Variants in FRMPD4 observed in about 807,000 individuals in gnomAD.
FRMPD4 encodes the protein FERM and PDZ domain containing 4, also known as FERM and PDZ domain-containing protein 4.
Under a neutral mutation model 94.1 loss-of-function variants are expected in FRMPD4, and 22 were observed. The observed-to-expected ratio is 0.23, with a 90% CI of 0.17 to 0.33. The LOEUF (loss-of-function observed/expected upper bound fraction) is 0.33. FRMPD4 is among the 10% of genes least tolerant of loss of function. The pLI, the probability that FRMPD4 is intolerant of heterozygous loss-of-function variation, is 1.00. For missense variants in FRMPD4, 1,111 were observed against 1,339.9 expected (o/e 0.83, Z 2.67); for synonymous variants, 631 against 548.6 (o/e 1.15, Z -2.10).
At chrX:12,181,461 A>G (rs1379734395) in intron 1 of FRMPD4, among the ~76,000 whole-genome samples, 3 of 111,969 alleles carry the variant, frequency 2.7e-5, no homozygotes, top group Non-Finnish European at 5.6e-5. Flanking sequence ...GGTTGCAAGC[A>G]TAGTCATCTA....
At chrX:12,526,983 A>C (rs756185871) in intron 2 of FRMPD4, among the ~76,000 whole-genome samples, 1 of 112,049 alleles carries the variant, frequency 8.9e-6, no homozygotes, top group East Asian at 2.8e-4. Context: ...GTTTAAAAAA[A>C]AAAGTGCTTT....
chrX:12,649,568 G>T (rs1304806606), intron 4 of FRMPD4, among the ~76,000 whole-genome samples: 7 of 111,724 alleles, frequency 6.3e-5, no homozygotes, highest in Non-Finnish European at 1.3e-4. Context: ...TAAATGAGAA[G>T]ATATGAGGAT....
intron 3 of FRMPD4, among the ~76,000 whole-genome samples, chrX:11,900,374 G>A (rs2053929248): frequency 9.0e-6 from 1 of 111,615 alleles, no homozygotes; most frequent in African/African-American, 3.3e-5. Context: ...TGCCAGGCCA[G>A]GACAGGATAG....
At chrX:12,584,721 A>G (rs984859609) in intron 2 of FRMPD4, among the ~76,000 whole-genome samples, 1 of 112,229 alleles carries the variant, frequency 8.9e-6, no homozygotes, top group African/African-American at 3.2e-5. Flanking sequence ...TGCTGTGTGC[A>G]TGGTTCAAAT....
chrX:11,966,165 A>T (rs1601860712), intron 3 of FRMPD4, among the ~76,000 whole-genome samples: 1 of 111,731 alleles, frequency 9.0e-6, no homozygotes, highest in East Asian at 2.8e-4. Context: ...GCATCAAATA[A>T]TATGCTATGG....
chrX:12,534,394 G>A (rs2058317030), intron 2 of FRMPD4, among the ~76,000 whole-genome samples: 1 of 112,122 alleles, frequency 8.9e-6, no homozygotes, highest in South Asian at 3.7e-4. Flanking sequence ...TCCCTACTGG[G>A]GCACCTCCTA....
intron 9 of FRMPD4, among the ~76,000 whole-genome samples, chrX:12,697,376 T>C (rs1449650201): frequency 8.9e-6 from 1 of 112,289 alleles, no homozygotes; most frequent in Non-Finnish European, 1.9e-5. Context: ...GCTACATTGT[T>C]AGTTGCAAAT....
intron 1 of FRMPD4, among the ~76,000 whole-genome samples, chrX:12,398,115 G>A (rs773080847): frequency 9.0e-6 from 1 of 111,082 alleles, no homozygotes; most frequent in East Asian, 2.8e-4. Flanking sequence ...TTTAATTAAT[G>A]TACTGAGTGG....
intron 1 of FRMPD4, among the ~76,000 whole-genome samples, chrX:12,425,069 C>T (rs1000532689): frequency 2.7e-5 from 3 of 112,340 alleles, no homozygotes; most frequent in African/African-American, 9.7e-5. Context: ...GTCACTTTTC[C>T]TGACATGATT....
intron 3 of FRMPD4, among the ~76,000 whole-genome samples, chrX:12,072,662 A>G (rs1162415844): frequency 1.8e-5 from 2 of 111,845 alleles, no homozygotes; most frequent in African/African-American, 6.5e-5. Flanking sequence ...TTAATAGCTT[A>G]TTGGAGTGGT....
chrX:12,525,048 C>G (rs1034889234), intron 2 of FRMPD4, among the ~76,000 whole-genome samples: 1 of 110,873 alleles, frequency 9.0e-6, no homozygotes, highest in Non-Finnish European at 1.9e-5. Context: ...CCAATGTGAC[C>G]CAAGGAAGCC....
intron 3 of FRMPD4, among the ~76,000 whole-genome samples, chrX:11,885,782 A>G (rs1368700817): frequency 9.0e-6 from 1 of 110,855 alleles, no homozygotes; most frequent in African/African-American, 3.3e-5. Context: ...CTGTTTAAGC[A>G]TTTTCCTGGG....
chrX:12,711,783 C>T (rs1321118942), intron 14 of FRMPD4, among the ~76,000 whole-genome samples: 2 of 107,520 alleles, frequency 1.9e-5, no homozygotes, highest in East Asian at 2.9e-4. Context: ...CCCAAGTCCC[C>T]GGCATTTATC....
At chrX:12,321,731 A>C (rs887040140) in intron 1 of FRMPD4, among the ~76,000 whole-genome samples, 1 of 112,022 alleles carries the variant, frequency 8.9e-6, no homozygotes, top group African/African-American at 3.2e-5. Context: ...TGAAGCTTAC[A>C]AGTTGGGGGA....
chrX:12,243,386 T>C (rs921174799), intron 1 of FRMPD4, among the ~76,000 whole-genome samples: 3 of 112,655 alleles, frequency 2.7e-5, no homozygotes, highest in Non-Finnish European at 5.6e-5. Flanking sequence ...ATCCAATAAC[T>C]GCAGTGCAAT....
At chrX:11,888,575 T>C in intron 3 of FRMPD4, among the ~76,000 whole-genome samples, 1 of 111,874 alleles carries the variant, frequency 8.9e-6, no homozygotes, top group Middle Eastern at 4.2e-3. Context: ...AACCATTACA[T>C]AGTTCTTTTT....
At chrX:12,092,925 G>A (rs1308268802) in intron 3 of FRMPD4, among the ~76,000 whole-genome samples, 1 of 111,676 alleles carries the variant, frequency 9.0e-6, no homozygotes, top group Non-Finnish European at 1.9e-5. Flanking sequence ...TCAATGAGGT[G>A]GTTAGAATAG....
intron 3 of FRMPD4, among the ~76,000 whole-genome samples, chrX:12,079,117 G>T (rs1482314944): frequency 9.0e-6 from 1 of 111,084 alleles, no homozygotes; most frequent in Non-Finnish European, 1.9e-5. Context: ...AGGGTTTAAA[G>T]GGTTCCAGTC....
intron 3 of FRMPD4, among the ~76,000 whole-genome samples, chrX:12,047,937 T>G (rs1159581755): frequency 1.8e-5 from 2 of 113,085 alleles, no homozygotes; most frequent in Non-Finnish European, 3.7e-5. Context: ...TCTTTGCTAT[T>G]GTTAATAGTG....
Sources: allele counts gnomAD v4.1 joint callset (sites outside exome capture counted in the v4.1 genomes callset), GRCh38; gene constraint gnomAD v4.1.1; transcripts MANE v1.5; gene names NCBI Gene and HGNC (gene_info 2026-07-23, HGNC 2026-07-21).